The following XAGE2 variants were observed in gnomAD, a reference collection of about 807,000 sequenced individuals.
XAGE2 encodes the protein G antigen family D member 3.
XAGE2 carries 7 observed loss-of-function variants against 9.9 expected under a neutral mutation model. That is an observed-to-expected ratio of 0.71 (90% confidence interval 0.40 to 1.32). The LOEUF is 1.32. Among genes scored for constraint, XAGE2 ranks in the 40% most tolerant of loss-of-function variants. XAGE2 has a pLI of 0.01. For synonymous variants in XAGE2, 31 were observed against 26.8 expected (o/e 1.16, Z -0.48); for missense variants, 85 against 81.0 (o/e 1.05, Z -0.19).
chrX:52,372,354 T>C (rs1921211802), intron 3 of XAGE2, among the ~76,000 whole-genome samples, 190 bp from the exon 4 acceptor site: 1 of 110,961 alleles, frequency 9.0e-6, no homozygotes, highest in Non-Finnish European at 1.9e-5. Context: ...AGTGAAACCC[T>C]GTATTAAAAA....
chrX:52,372,699 G>A, intron 4 of XAGE2, 30 bp downstream of exon 4: 2 of 1,204,685 alleles, frequency 1.7e-6, no homozygotes, highest in South Asian at 1.8e-5. Flanking sequence ...ACAAAGTTAT[G>A]TGATTTCTAT....
Position 52,369,187 on chromosome X carries a change from G to C in XAGE2, c.-36G>C. 1 of 111,668 alleles carries C rather than the reference G, an allele frequency of 9.0e-6. No homozygotes were observed. Among genetic ancestry groups the C allele is most frequent in the Middle Eastern group, 4.6e-3 (1 of 219 alleles). The allele number at this position is 111,668 out of a possible 1,213,427, so 9.2% of individuals were successfully genotyped here. ...CTACTGAGACGCAGCCTATAGGTCC[G>C]CAGGCCAGTCCTCCCAGGAACTGAA... is the stretch of plus-strand genomic sequence containing the variant. On this transcript the variant is annotated 5_prime_UTR_variant, in exon 1 of 5. Transcript: ENST00000286049.
chrX:52,372,471 A>G, intron 3 of XAGE2, 73 bp from the exon 4 acceptor site: 2 of 1,152,588 alleles, frequency 1.7e-6, no homozygotes, highest in Non-Finnish European at 2.4e-6. Flanking sequence ...ACTCTGTGGA[A>G]TAGAATATTA....
At chrX:52,372,116 C>T (rs1166650293) in intron 3 of XAGE2, among the ~76,000 whole-genome samples, 3 of 111,153 alleles carry the variant, frequency 2.7e-5, no homozygotes, top group Non-Finnish European at 5.7e-5. Context: ...TTTGGAAGGC[C>T]GAGGCTGGTG....
At chrX:52,373,316 G>A (rs1921238004) in intron 4 of XAGE2, among the ~76,000 whole-genome samples, 1 of 112,153 alleles carries the variant, frequency 8.9e-6, no homozygotes, top group South Asian at 3.8e-4. Flanking sequence ...CCAGCATGGA[G>A]ACTTGAATGA....
chrX:52,371,251 A>T (rs1049048028), intron 3 of XAGE2, among the ~76,000 whole-genome samples: 1 of 112,333 alleles, frequency 8.9e-6, no homozygotes, highest in Non-Finnish European at 1.9e-5. Context: ...AACGTGAATT[A>T]TTTTGCTTAA....
At chrX:52,373,202 G>T (rs932929073) in intron 4 of XAGE2, among the ~76,000 whole-genome samples, 9 of 112,165 alleles carry the variant, frequency 8.0e-5, no homozygotes, top group Non-Finnish European at 1.5e-4. Flanking sequence ...TGATTCCCAT[G>T]ATTTGTTTTT....
At chrX:52,372,770 T>C in intron 4 of XAGE2, 101 bp downstream of exon 4, 1 of 1,044,782 alleles carries the variant, frequency 9.6e-7, no homozygotes, top group Non-Finnish European at 1.3e-6. Flanking sequence ...TTAATAACAG[T>C]GTTCAAATAC....
chrX:52,370,936 T>C (rs1249854513), intron 3 of XAGE2, among the ~76,000 whole-genome samples: 3 of 112,207 alleles, frequency 2.7e-5, no homozygotes, highest in African/African-American at 9.7e-5. Context: ...CTGTTTAATT[T>C]GATGTATCAA....
At chrX:52,373,221 T>A (rs1005911647) in intron 4 of XAGE2, among the ~76,000 whole-genome samples, 3 of 112,374 alleles carry the variant, frequency 2.7e-5, no homozygotes, top group African/African-American at 9.7e-5. Flanking sequence ...TTCCTAACAA[T>A]CAGCTTCAGT....
chrX:52,375,642 T>A lies in XAGE2; in HGVS notation c.*51T>A. On this transcript the variant is annotated 3_prime_UTR_variant, in exon 5 of 5. Coordinates refer to ENST00000286049, the MANE Select transcript of XAGE2 (RefSeq NM_130777.3). Reference sequence around the variant, plus strand: ...ACTGTTTTTATATTAGATATTTTACTTTAAAATATCTTAATAAAGTTTTAA... The same window carrying A: ...ACTGTTTTTATATTAGATATTTTACATTAAAATATCTTAATAAAGTTTTAA... 1 of 1,042,087 alleles carries A rather than the reference T, an allele frequency of 9.6e-7. No individual in the cohort carries two copies. The highest frequency in any genetic ancestry group is 1.3e-6 in the Non-Finnish European group (1 of 755,612). 85.9% of individuals were successfully genotyped at this position (1,042,087 alleles called of 1,213,427 possible). A position where few individuals can be genotyped will look rare whatever the true frequency, so the allele number is the denominator to read the frequency against.
chrX:52,372,666 G>A lies in XAGE2; in HGVS notation c.310G>A (p.Ala104Thr), dbSNP rs1474804493. 5.0e-5 allele frequency: 60 copies of A among 1,209,347 alleles called. No homozygotes were observed. Among genetic ancestry groups the A allele is most frequent in the Non-Finnish European group, 6.5e-5 (58 of 894,719 alleles). Residue 104 changes from alanine (A) to threonine (T), a missense_variant, in exon 4 of 5, where the codon GCA (alanine) becomes ACA (threonine). Coordinates refer to ENST00000286049, the MANE Select transcript of XAGE2 (RefSeq NM_130777.3). ...AGCAGAGCACTTTAAAATGCCAGAAGCAGGTGTGTTATTCATTAAGACACA... is the reference window on the plus strand; with the variant it reads ...AGCAGAGCACTTTAAAATGCCAGAAACAGGTGTGTTATTCATTAAGACACA... ...PKAEHFKMPE[A>T]GEGKSQV
intron 4 of XAGE2, among the ~76,000 whole-genome samples, chrX:52,375,208 G>GT (rs1299917688): frequency 4.5e-5 from 5 of 111,431 alleles, no homozygotes; most frequent in African/African-American, 6.5e-5. Flanking sequence ...TTGTTTCTTA[G>GT]TTTTTTTGTG....
At position 52,372,588 on chromosome X, in the gene XAGE2, A is replaced by C; in HGVS notation, c.232A>C (p.Thr78Pro). The C allele has an allele frequency of 8.3e-7, 1 of 1,211,522 alleles. No individual in the cohort carries two copies. Among genetic ancestry groups the C allele is most frequent in the South Asian group, 1.8e-5 (1 of 56,974 alleles). ...ADLQELCQTK[T>P]GDGCEGGTDV... ...TCTCCAGGAGCTATGTCAGACAAAGACTGGGGATGGATGTGAAGGTGGTAC... is the reference window on the plus strand; with the variant it reads ...TCTCCAGGAGCTATGTCAGACAAAGCCTGGGGATGGATGTGAAGGTGGTAC... Residue 78 changes from threonine (T) to proline (P), a missense_variant, in exon 4 of 5, where the codon ACT becomes CCT. Thr to Pro is a conservative substitution (Grantham distance 38). Transcript: ENST00000286049.
chrX:52,375,562 A>G lies in XAGE2; in HGVS notation c.314-7A>G. 8.3e-7 allele frequency: 1 copy of G among 1,205,695 alleles called. No individual in the cohort carries two copies. Among genetic ancestry groups the G allele is most frequent in the Non-Finnish European group, 1.1e-6 (1 of 891,321 alleles). On this transcript the variant is annotated splice_polypyrimidine_tract_variant and splice_region_variant and intron_variant, in intron 4 of 4. Transcript: ENST00000286049. ...GTAATGTTCCACCTGTTATGTTTCT[A>G]TTACAGGTGAAGGGAAATCACAGGT...
rs1921294404 is a variant in XAGE2, at chrX:52,375,561, T to C, written c.314-8T>C. On this transcript the variant is annotated splice_polypyrimidine_tract_variant and splice_region_variant and intron_variant, in intron 4 of 4. Transcript: ENST00000286049. ...AGTAATGTTCCACCTGTTATGTTTC[T>C]ATTACAGGTGAAGGGAAATCACAGG... 10 of 1,202,381 alleles carry C rather than the reference T, an allele frequency of 8.3e-6. No homozygotes were observed. In the Middle Eastern group the frequency reaches 6.9e-4, roughly 84 times the overall value.
intron 4 of XAGE2, among the ~76,000 whole-genome samples, chrX:52,373,966 T>A (rs1455578608): frequency 9.0e-6 from 1 of 111,399 alleles, no homozygotes; most frequent in African/African-American, 3.3e-5. Context: ...AAAGTAATAA[T>A]CAATATAATA....
chrX:52,371,882 C>A (rs1921202121), intron 3 of XAGE2, among the ~76,000 whole-genome samples: 2 of 111,337 alleles, frequency 1.8e-5, no homozygotes, highest in Non-Finnish European at 1.9e-5. Flanking sequence ...TGTCATAAGC[C>A]CAGGAATACA....
At chrX:52,373,241 A>G (rs897599985) in intron 4 of XAGE2, among the ~76,000 whole-genome samples, 2,747 of 112,398 alleles carry the variant, frequency 0.024, 35 homozygotes, top group Middle Eastern at 0.1. Context: ...TCCAATTACA[A>G]TATCTGAGCT....
Sources: allele counts gnomAD v4.1 joint callset (sites outside exome capture counted in the v4.1 genomes callset), GRCh38; gene constraint gnomAD v4.1.1; transcripts MANE v1.5; gene names NCBI Gene and HGNC (gene_info 2026-07-23, HGNC 2026-07-21).